HIBCH: variants seen among roughly 807,000 people sequenced by gnomAD.
HIBCH encodes 3-hydroxyisobutyryl-CoA hydrolase, mitochondrial.
A neutral mutation model predicts 58.2 loss-of-function variants in HIBCH; 50 were observed. The ratio of observed to expected loss-of-function variants is 0.86; its 90% CI spans 0.68 to 1.09. HIBCH has a LOEUF of 1.09. Among genes scored for constraint, HIBCH ranks in the 50% least tolerant of loss-of-function variants. HIBCH has a pLI of 0.00. For missense variants in HIBCH, 450 were observed against 449.7 expected (o/e 1.00, Z -0.01); for synonymous variants, 151 against 146.9 (o/e 1.03, Z -0.20).
At chr2:190,269,217 G>A (rs191194273) in intron 6 of HIBCH, among the ~76,000 whole-genome samples, 2 of 152,248 alleles carry the variant, frequency 1.3e-5, no homozygotes, top group Admixed American at 1.3e-4. Flanking sequence ...GCCAACAAAA[G>A]CCAAAATTGA....
intron 8 of HIBCH, chr2:190,251,396 G>A (rs544635556): frequency 3.4e-6 from 1 of 297,808 alleles, no homozygotes; most frequent in East Asian, 1.2e-4. Context: ...TACGGTTCAG[G>A]AATAAGATAA....
chr2:190,265,957 A>G (rs1687223489), intron 6 of HIBCH, among the ~76,000 whole-genome samples: 1 of 151,792 alleles, frequency 6.6e-6, no homozygotes, highest in Non-Finnish European at 1.5e-5. Context: ...AATAATTTTC[A>G]GCTTTGATAT....
intron 2 of HIBCH, among the ~76,000 whole-genome samples, chr2:190,302,886 C>G (rs1688303535): frequency 6.6e-6 from 1 of 152,178 alleles, no homozygotes; most frequent in South Asian, 2.1e-4. Context: ...TGACTGAAAA[C>G]TGTATGGATG....
chr2:190,314,328 T>TATAC (rs1491383953), intron 1 of HIBCH, among the ~76,000 whole-genome samples: 1 of 3,876 alleles, frequency 2.6e-4, no homozygotes, highest in Non-Finnish European at 2.7e-3. Context: ...TATGTATATA[T>TATAC]GTATATATAC....
chr2:190,290,271 A>T, intron 5 of HIBCH, 134 bp downstream of exon 5: 1 of 694,002 alleles, frequency 1.4e-6, no homozygotes, highest in Non-Finnish European at 2.6e-6. Flanking sequence ...TAGTTTAATC[A>T]ACTTTACTTA....
chr2:190,253,158 T>C (rs1049844325), intron 7 of HIBCH, among the ~76,000 whole-genome samples: 3 of 152,108 alleles, frequency 2.0e-5, no homozygotes, highest in Non-Finnish European at 2.9e-5. Context: ...CACTGCAGCC[T>C]GGGCAACAGA....
chr2:190,303,906 C>G (rs1320539032), intron 2 of HIBCH, among the ~76,000 whole-genome samples: 3 of 152,088 alleles, frequency 2.0e-5, no homozygotes, highest in East Asian at 3.9e-4. Context: ...TAGAAGGGCA[C>G]TTTTCCTCTG....
chr2:190,308,915 A>C (rs569329829), intron 2 of HIBCH, among the ~76,000 whole-genome samples: 4 of 152,322 alleles, frequency 2.6e-5, no homozygotes, highest in African/African-American at 9.6e-5. Flanking sequence ...GCCAGGATTC[A>C]AATCACACCT....
chr2:190,317,201 G>A (rs111498483), intron 1 of HIBCH, among the ~76,000 whole-genome samples: 5 of 152,218 alleles, frequency 3.3e-5, no homozygotes, highest in South Asian at 2.1e-4. Context: ...CACACCCAGC[G>A]AAGAGCAACC....
intron 6 of HIBCH, among the ~76,000 whole-genome samples, chr2:190,268,929 A>G (rs1559044202): frequency 6.6e-6 from 1 of 152,224 alleles, no homozygotes; most frequent in African/African-American, 2.4e-5. Context: ...ATAACACCAC[A>G]TATCTAAAAC....
chr2:190,193,907 CTATTA>C (rs1402539673), intron 1 of HIBCH, among the ~76,000 whole-genome samples: 2 of 152,126 alleles, frequency 1.3e-5, no homozygotes, highest in Admixed American at 1.3e-4. Flanking sequence ...TTCTTCTTTT[CTATTA>C]TAAGCATTTA....
chr2:190,225,244 C>T (rs7371409), intron 11 of HIBCH, among the ~76,000 whole-genome samples: 8 of 151,896 alleles, frequency 5.3e-5, no homozygotes, highest in Middle Eastern at 3.4e-3. Context: ...TCAAAAGCTA[C>T]CAGAAGGCAA....
downstream of HIBCH, chr2:190,199,586 C>T: frequency 4.2e-6 from 2 of 473,006 alleles, no homozygotes; most frequent in South Asian, 7.2e-5. Context: ...TTGTTTTTAC[C>T]TCAGATTTCT....
intron 11 of HIBCH, among the ~76,000 whole-genome samples, chr2:190,232,489 G>A (rs1399541595): frequency 6.6e-6 from 1 of 152,156 alleles, no homozygotes; most frequent in Non-Finnish European, 1.5e-5. Context: ...GTTGCTGGAG[G>A]TGCAAGTACC....
Position 190,214,419 on chromosome 2 carries a change from T to C in HIBCH, c.892-1344A>G, listed in dbSNP as rs1410930344. On this transcript the variant is annotated intron_variant, in intron 11 of 13. Transcript: ENST00000359678. The surrounding 1 kb of genome is among the most constrained non-coding windows in gnomAD (Gnocchi z 5.5). The stretch of plus-strand genomic sequence containing the variant: ...GAAAGAGCGAACTAAAAAGACCCCC[T>C]CTGACATTCTCCCAGATAGTCCCTT... The C allele has an allele frequency of 6.6e-6, 1 of 152,202 alleles. No homozygotes were observed. Among genetic ancestry groups the C allele is most frequent in the Admixed American group, 6.5e-5 (1 of 15,268 alleles). 9.4% of individuals were successfully genotyped at this position (152,202 alleles called of 1,614,324 possible). A position where few individuals can be genotyped will look rare whatever the true frequency, so the allele number is the denominator to read the frequency against.
At chr2:190,257,589 A>C (rs1044030322) in intron 7 of HIBCH, among the ~76,000 whole-genome samples, 1 of 152,150 alleles carries the variant, frequency 6.6e-6, no homozygotes, top group African/African-American at 2.4e-5. Context: ...TTAAAAAGAT[A>C]ATAGGGGAAT....
chr2:190,196,869 G>T (rs1407625654), intron 1 of HIBCH, among the ~76,000 whole-genome samples: 1 of 152,026 alleles, frequency 6.6e-6, no homozygotes, highest in Non-Finnish European at 1.5e-5. Context: ...CATTCAGGAT[G>T]GTATAACAAA....
chr2:190,308,513 T>C (rs1688474422), intron 2 of HIBCH, among the ~76,000 whole-genome samples: 1 of 151,888 alleles, frequency 6.6e-6, no homozygotes. Flanking sequence ...AACCAATGGG[T>C]TATTATGGGA....
intron 10 of HIBCH, chr2:190,245,465 A>G (rs1223296866): frequency 6.4e-6 from 1 of 156,274 alleles, no homozygotes; most frequent in African/African-American, 2.4e-5. Context: ...ATTTTGCACT[A>G]ATATAAATTC....
Sources: gnomAD v4.1 joint callset for allele counts (sites outside exome capture counted in the v4.1 genomes callset) on GRCh38, gnomAD v4.1.1 for gene constraint, Gnocchi (gnomAD v3.1) non-coding constraint, MANE v1.5 for transcripts, NCBI Gene and HGNC (gene_info 2026-07-23, HGNC 2026-07-21) for gene names.